DLG2: variants seen among roughly 807,000 people sequenced by gnomAD.
The protein encoded by DLG2 is discs large MAGUK scaffold protein 2.
Under a neutral mutation model 132.5 loss-of-function variants are expected in DLG2, and 45 were observed. That is an observed-to-expected ratio of 0.34 (90% CI 0.27 to 0.44). The LOEUF (loss-of-function observed/expected upper bound fraction) is 0.44. Among genes scored for constraint, DLG2 ranks in the 20% least tolerant of loss-of-function variants. The pLI is 1.00. For missense variants in DLG2, 1,045 were observed against 1,196.9 expected, an observed-to-expected ratio of 0.87 and a Z score of 1.87; for synonymous variants, 424 against 419.6, an observed-to-expected ratio of 1.01 and a Z score of -0.13.
intron 18 of DLG2, among the ~76,000 whole-genome samples, chr11:83,683,576 C>T (rs1276713399): frequency 6.6e-6 from 1 of 152,126 alleles, no homozygotes; most frequent in Non-Finnish European, 1.5e-5. Flanking sequence ...CCTGTCTTTG[C>T]CACTAATTTA....
chr11:84,948,799 G>T (rs2050553443), intron 6 of DLG2, among the ~76,000 whole-genome samples: 1 of 152,086 alleles, frequency 6.6e-6, no homozygotes, highest in East Asian at 1.9e-4. Context: ...CATGACCTTG[G>T]TAAGTTACAT....
intron 24 of DLG2, 64 bp downstream of exon 24, chr11:83,471,562 A>C (rs762132720): frequency 1.7e-6 from 2 of 1,189,782 alleles, no homozygotes; most frequent in Admixed American, 3.5e-5. Flanking sequence ...ATTACATTTT[A>C]CCATCTCATA....
At chr11:84,934,593 A>C (rs1229491902) in intron 6 of DLG2, among the ~76,000 whole-genome samples, 7 of 118,526 alleles carry the variant, frequency 5.9e-5, no homozygotes, top group African/African-American at 9.7e-5. Context: ...CCTCATTATT[A>C]GTCTGTTACA....
At chr11:84,716,025 C>T (rs1282137868) in intron 6 of DLG2, among the ~76,000 whole-genome samples, 2 of 152,198 alleles carry the variant, frequency 1.3e-5, no homozygotes, top group East Asian at 3.9e-4. Flanking sequence ...TACATTCTCA[C>T]CAACAGTGTA....
intron 7 of DLG2, among the ~76,000 whole-genome samples, chr11:84,312,255 G>C (rs550680853): frequency 6.6e-6 from 1 of 152,130 alleles, no homozygotes; most frequent in Admixed American, 6.6e-5. Flanking sequence ...GCAGATCACA[G>C]GTCAGGAGTT....
rs779039240 is a variant in DLG2 at position 84,506,079 on chromosome 11, CT to C, written c.519+28490del. On this transcript the variant is annotated intron_variant, in intron 7 of 27. Coordinates refer to ENST00000376104, the MANE Select transcript of DLG2 (RefSeq NM_001142699.3). ...CTAATGTTATGACAGAGGCTCAGTT[CT>C]TTTTTTTTTTTTTGAGACGGAGTCT... 1.7e-3 allele frequency among the ~76,000 whole-genome samples: 181 copies of C among 106,922 alleles called. 3 individuals are homozygous for C. The highest frequency in any genetic ancestry group is 4.7e-3 in the Middle Eastern group (1 of 212). The allele number at this position is 106,922 out of a possible 152,430, so 70.1% of individuals were successfully genotyped here.
intron 3 of DLG2, among the ~76,000 whole-genome samples, chr11:85,310,581 G>C (rs2080253592): frequency 6.6e-6 from 1 of 152,134 alleles, no homozygotes; most frequent in South Asian, 2.1e-4. Flanking sequence ...CAACTGCTAA[G>C]GGGAAGAAAA....
intron 6 of DLG2, among the ~76,000 whole-genome samples, chr11:84,650,850 T>C (rs1177136625): frequency 1.3e-5 from 1 of 78,112 alleles, no homozygotes; most frequent in Admixed American, 1.3e-4. Context: ...CTTTCCTGTA[T>C]GTGTGTGTGT....
intron 6 of DLG2, among the ~76,000 whole-genome samples, chr11:84,822,787 A>G (rs1232900822): frequency 6.6e-6 from 1 of 151,960 alleles, no homozygotes. Flanking sequence ...CACCAGAATT[A>G]TATTTTCAAG....
chr11:84,863,245 A>C lies in DLG2; in HGVS notation c.357+248416T>G, dbSNP rs2084031244. On this transcript the variant is annotated intron_variant, in intron 6 of 27. Coordinates refer to ENST00000376104, the MANE Select transcript of DLG2 (RefSeq NM_001142699.3). ...TGGATTGTCCAGTTTCATTCTTCTAATAGCTTCTGACCCAGTGCCAGCTCT... is the reference window on the plus strand; with the variant it reads ...TGGATTGTCCAGTTTCATTCTTCTACTAGCTTCTGACCCAGTGCCAGCTCT... Among the ~76,000 whole-genome samples the C allele has an allele frequency of 4.6e-5, 7 of 152,178 alleles. No individual in the cohort carries two copies. In the South Asian group the frequency reaches 1.5e-3, roughly 32 times the overall value.
At chr11:83,809,231 A>T (rs1413890353) in intron 17 of DLG2, among the ~76,000 whole-genome samples, 3 of 152,198 alleles carry the variant, frequency 2.0e-5, no homozygotes, top group African/African-American at 7.2e-5. Context: ...TTCCACCATC[A>T]ATACAACTAA....
chr11:84,800,144 C>T (rs1375996998), intron 6 of DLG2, among the ~76,000 whole-genome samples: 1 of 152,056 alleles, frequency 6.6e-6, no homozygotes, highest in Non-Finnish European at 1.5e-5. Context: ...CAAAATTGAA[C>T]AAGAGAGTAA....
chr11:85,006,014 G>C (rs1355613191), intron 6 of DLG2, among the ~76,000 whole-genome samples: 1 of 152,114 alleles, frequency 6.6e-6, no homozygotes, highest in African/African-American at 2.4e-5. Context: ...CTGTTTATGT[G>C]ATGGACTACA....
intron 6 of DLG2, among the ~76,000 whole-genome samples, chr11:84,915,232 T>C (rs1388731291): frequency 1.3e-5 from 2 of 152,200 alleles, no homozygotes; most frequent in Non-Finnish European, 2.9e-5. Context: ...AATGAAGGAA[T>C]CTTTTAAGCG....
chr11:85,118,472 C>A (rs1260539942), intron 5 of DLG2, among the ~76,000 whole-genome samples: 1 of 152,036 alleles, frequency 6.6e-6, no homozygotes, highest in African/African-American at 2.4e-5. Context: ...CCCAGATTAA[C>A]AGTAATGAGT....
intron 18 of DLG2, among the ~76,000 whole-genome samples, chr11:83,747,448 G>T (rs2093006134): frequency 6.6e-6 from 1 of 151,886 alleles, no homozygotes; most frequent in Admixed American, 6.6e-5. Context: ...CTGGCTCACT[G>T]CAACCGCCTC....
intron 11 of DLG2, among the ~76,000 whole-genome samples, chr11:83,993,725 C>T (rs1052563814): frequency 1.2e-4 from 19 of 152,144 alleles, no homozygotes; most frequent in Non-Finnish European, 1.5e-5. Flanking sequence ...CTATCAAGCA[C>T]ATCTGTCTAT....
At chr11:85,417,842 A>C (rs931019936) in intron 3 of DLG2, among the ~76,000 whole-genome samples, 1 of 151,806 alleles carries the variant, frequency 6.6e-6, no homozygotes, top group Admixed American at 6.6e-5. Flanking sequence ...TTTCTTCTTT[A>C]TTAGTCTGGC....
At chr11:85,052,402 A>T (rs1357083457) in intron 6 of DLG2, among the ~76,000 whole-genome samples, 1 of 152,194 alleles carries the variant, frequency 6.6e-6, no homozygotes, top group African/African-American at 2.4e-5. Flanking sequence ...TTAAATATTA[A>T]CTGACAAAAG....
Sources: gnomAD v4.1 joint callset for allele counts (sites outside exome capture counted in the v4.1 genomes callset) on GRCh38, gnomAD v4.1.1 for gene constraint, MANE v1.5 for transcripts, NCBI Gene and HGNC (gene_info 2026-07-23, HGNC 2026-07-21) for gene names.